The following ST6GAL2 variants were observed in gnomAD, a reference collection of about 807,000 sequenced individuals.
The protein encoded by ST6GAL2 is beta-galactoside alpha-2,6-sialyltransferase 2.
A neutral mutation model predicts 37.5 loss-of-function variants in ST6GAL2; 24 were observed. That is an observed-to-expected ratio of 0.64 (90% CI 0.46 to 0.90). The LOEUF (loss-of-function observed/expected upper bound fraction) is 0.90, where lower values mean the gene tolerates loss of function less well. ST6GAL2 is among the 40% of genes least tolerant of loss of function. ST6GAL2 has a pLI of 0.00. For missense variants in ST6GAL2, 715 were observed against 712.7 expected, an observed-to-expected ratio of 1.00 and a Z score of -0.04; for synonymous variants, 306 against 295.1, an observed-to-expected ratio of 1.04 and a Z score of -0.38.
intron 5 of ST6GAL2, among the ~76,000 whole-genome samples, chr2:106,808,874 G>A (rs1053708115): frequency 1.3e-5 from 2 of 152,174 alleles, no homozygotes; most frequent in South Asian, 2.1e-4. Flanking sequence ...GGGCATGGTG[G>A]CATGTGCCTG....
chr2:106,854,704 T>C (rs1227405361), intron 1 of ST6GAL2, among the ~76,000 whole-genome samples: 1 of 152,170 alleles, frequency 6.6e-6, no homozygotes, highest in South Asian at 2.1e-4. Context: ...TGACTCAAGC[T>C]AATAAGCACA....
intron 2 of ST6GAL2, among the ~76,000 whole-genome samples, chr2:106,835,305 G>GC (rs1676591829): frequency 6.6e-6 from 1 of 152,160 alleles, no homozygotes; most frequent in Admixed American, 6.5e-5. Flanking sequence ...TAGTCCCCGA[G>GC]CCCGCACAAG....
intron 1 of ST6GAL2, among the ~76,000 whole-genome samples, chr2:106,861,736 T>C (rs1432103683): frequency 1.3e-5 from 2 of 152,012 alleles, no homozygotes; most frequent in African/African-American, 4.8e-5. Flanking sequence ...GTTCAAGCGA[T>C]TCTCCCACCT....
chr2:106,825,231 C>T (rs1173522558), intron 5 of ST6GAL2, among the ~76,000 whole-genome samples: 1 of 152,210 alleles, frequency 6.6e-6, no homozygotes, highest in Non-Finnish European at 1.5e-5. Context: ...TTGGGCCTTC[C>T]TCCTTGCTCT....
At chr2:106,882,484 A>G (rs947632509) in intron 1 of ST6GAL2, among the ~76,000 whole-genome samples, 3 of 152,264 alleles carry the variant, frequency 2.0e-5, no homozygotes, top group African/African-American at 7.2e-5. Context: ...GTAGTACATC[A>G]TAAGTGCAAA....
intron 5 of ST6GAL2, chr2:106,824,983 T>G (rs1676147745): frequency 6.6e-6 from 1 of 152,134 alleles, no homozygotes; most frequent in African/African-American, 2.4e-5. Context: ...AGTGTCAGTA[T>G]CACTTGAGAA....
rs917318306 is a variant in ST6GAL2, at chr2:106,830,135, G to A, written c.1249C>T (p.Leu417Phe). The change falls in exon 5 of 6, where the codon CTC (leucine) becomes TTC (phenylalanine). Residue 417 changes from leucine (L) to phenylalanine (F), a missense_variant. By Grantham distance (22) the Leu-to-Phe change is conservative. This residue lies in a region of ST6GAL2 where 198 missense variants were observed against 203.6 expected (regional missense o/e 0.97). Transcript: ENST00000409382. ...YILHPKFIWQ[L>F]WDIIQENTKE... Reference sequence around the variant, plus strand: ...GTGTTCTCCTGGATAATATCCCAGAGCTGCCATATAAATTTAGGATGAAGA... The same window carrying A: ...GTGTTCTCCTGGATAATATCCCAGAACTGCCATATAAATTTAGGATGAAGA... 1 of 1,613,930 alleles carries A rather than the reference G, an allele frequency of 6.2e-7. No homozygotes were observed. Among genetic ancestry groups the A allele is most frequent in the East Asian group, 2.2e-5 (1 of 44,862 alleles).
intron 5 of ST6GAL2, among the ~76,000 whole-genome samples, chr2:106,807,192 A>G (rs1558671284): frequency 6.6e-6 from 1 of 152,096 alleles, no homozygotes; most frequent in Non-Finnish European, 1.5e-5. Context: ...TTAATTTATC[A>G]CTGTGGGCCT....
At chr2:106,859,676 G>T (rs1436300351) in intron 1 of ST6GAL2, among the ~76,000 whole-genome samples, 1 of 151,990 alleles carries the variant, frequency 6.6e-6, no homozygotes, top group Non-Finnish European at 1.5e-5. Flanking sequence ...CTCTGACAAC[G>T]CATTGCCTTC....
intron 1 of ST6GAL2, among the ~76,000 whole-genome samples, chr2:106,872,522 C>T (rs1032598504): frequency 2.6e-5 from 4 of 152,160 alleles, no homozygotes; most frequent in African/African-American, 4.8e-5. Context: ...CTCACTTGTA[C>T]GAGAGGTCCC....
chr2:106,880,723 T>C (rs1003662887), intron 1 of ST6GAL2, among the ~76,000 whole-genome samples: 1 of 152,054 alleles, frequency 6.6e-6, no homozygotes, highest in Non-Finnish European at 1.5e-5. Flanking sequence ...ATAAGCCACA[T>C]AGGAAAAAGA....
chr2:106,872,564 T>C (rs572585547), intron 1 of ST6GAL2, among the ~76,000 whole-genome samples: 5 of 152,168 alleles, frequency 3.3e-5, no homozygotes, highest in Admixed American at 6.5e-5. Flanking sequence ...AGTGACATCA[T>C]TTATTCAAAT....
chr2:106,882,696 C>T (rs773545576), intron 1 of ST6GAL2, among the ~76,000 whole-genome samples: 3 of 152,210 alleles, frequency 2.0e-5, no homozygotes, highest in Non-Finnish European at 4.4e-5. Context: ...CAGTGCTGGT[C>T]GCTGCAGAAG....
At chr2:106,875,458 G>A (rs1477990695) in intron 1 of ST6GAL2, among the ~76,000 whole-genome samples, 2 of 152,248 alleles carry the variant, frequency 1.3e-5, no homozygotes, top group African/African-American at 2.4e-5. Flanking sequence ...GATTACAGGC[G>A]TGAGCCACTG....
chr2:106,847,140 A>G (rs1375003), intron 1 of ST6GAL2, among the ~76,000 whole-genome samples: 91,755 of 152,086 alleles, frequency 0.6, 29,043 homozygotes, highest in Non-Finnish European at 0.73. Flanking sequence ...TCACTGTGTG[A>G]TATTTTAATA....
chr2:106,815,201 A>G (rs776612431), intron 5 of ST6GAL2, among the ~76,000 whole-genome samples: 109 of 152,216 alleles, frequency 7.2e-4, no homozygotes, highest in Non-Finnish European at 1.0e-3. Flanking sequence ...TCAACTACAT[A>G]ATTCTTGGGA....
At chr2:106,822,659 T>C (rs1051770504) in intron 5 of ST6GAL2, among the ~76,000 whole-genome samples, 1 of 152,114 alleles carries the variant, frequency 6.6e-6, no homozygotes, top group Non-Finnish European at 1.5e-5. Context: ...AAAATTTATA[T>C]GTAATCACAA....
At chr2:106,817,663 G>A (rs890254703) in intron 5 of ST6GAL2, among the ~76,000 whole-genome samples, 1 of 152,178 alleles carries the variant, frequency 6.6e-6, no homozygotes, top group Admixed American at 6.5e-5. Flanking sequence ...GTGGCTACAG[G>A]GAGGGACTCC....
intron 1 of ST6GAL2, among the ~76,000 whole-genome samples, chr2:106,881,374 T>A (rs1054923497): frequency 2.0e-5 from 3 of 152,230 alleles, no homozygotes; most frequent in African/African-American, 7.2e-5. Flanking sequence ...AACAAATCCA[T>A]TCATTTAATC....
Sources: allele counts gnomAD v4.1 joint callset (sites outside exome capture counted in the v4.1 genomes callset), GRCh38; gene constraint gnomAD v4.1.1; regional missense constraint gnomAD v4.1.1; transcripts MANE v1.5; gene names NCBI Gene and HGNC (gene_info 2026-07-23, HGNC 2026-07-21).